MTA3: variants seen among roughly 807,000 people sequenced by gnomAD.
MTA3 encodes metastasis-associated protein MTA3.
Under a neutral mutation model 83.5 loss-of-function variants are expected in MTA3, and 34 were observed. The observed-to-expected ratio is 0.41, with a 90% CI of 0.31 to 0.54. The LOEUF is 0.54. Ranked by LOEUF, MTA3 falls within the 20% of genes least tolerant of loss-of-function variation. The pLI, the probability that MTA3 is intolerant of heterozygous loss-of-function variation, is 0.33. For synonymous variants in MTA3, 303 were observed against 252.7 expected (o/e 1.20, Z -1.89); for missense variants, 761 against 726.4 (o/e 1.05, Z -0.55).
At chr2:42,585,963 A>C (rs1010285763) in intron 3 of MTA3, among the ~76,000 whole-genome samples, 1 of 152,112 alleles carries the variant, frequency 6.6e-6, no homozygotes, top group African/African-American at 2.4e-5. Flanking sequence ...AATTATAAAC[A>C]AGATGAATAA....
At chr2:42,714,666 A>G (rs778044545) in intron 14 of MTA3, among the ~76,000 whole-genome samples, 1 of 152,194 alleles carries the variant, frequency 6.6e-6, no homozygotes, top group African/African-American at 2.4e-5. Flanking sequence ...GTGGTCCCCA[A>G]CCTTTTTGGT....
At chr2:42,528,127 G>A (rs1240900061) in intron 2 of MTA3, among the ~76,000 whole-genome samples, 1 of 151,714 alleles carries the variant, frequency 6.6e-6, no homozygotes, top group African/African-American at 2.4e-5. Flanking sequence ...GGGTTTCACC[G>A]TGTTACCCAG....
chr2:42,699,073 C>A (rs1279326211), intron 11 of MTA3, among the ~76,000 whole-genome samples: 3 of 152,180 alleles, frequency 2.0e-5, no homozygotes, highest in Non-Finnish European at 2.9e-5. Flanking sequence ...ACCAAGTAAC[C>A]CAGATAATTG....
At chr2:42,720,278 G>T (rs1667311724) in intron 15 of MTA3, among the ~76,000 whole-genome samples, 1 of 152,000 alleles carries the variant, frequency 6.6e-6, no homozygotes. Context: ...CGCCTCCCAG[G>T]TTCACGCCAT....
At chr2:42,496,642 A>AT (rs1674150875) in intron 2 of MTA3, among the ~76,000 whole-genome samples, 1 of 145,400 alleles carries the variant, frequency 6.9e-6, no homozygotes, top group Admixed American at 6.9e-5. Context: ...AATTACTCCC[A>AT]TTTTTTCCTC....
At chr2:42,557,909 C>T (rs545912456) in intron 2 of MTA3, among the ~76,000 whole-genome samples, 1 of 152,078 alleles carries the variant, frequency 6.6e-6, no homozygotes, top group South Asian at 2.1e-4. Context: ...TCCTTGGAGT[C>T]GTCTACACCA....
chr2:42,562,950 C>T (rs1224282482), intron 2 of MTA3, among the ~76,000 whole-genome samples: 1 of 152,146 alleles, frequency 6.6e-6, no homozygotes, highest in Non-Finnish European at 1.5e-5. Flanking sequence ...ACTCACTGAT[C>T]TCTACTTACA....
intron 8 of MTA3, among the ~76,000 whole-genome samples, chr2:42,666,440 C>T (rs933742956): frequency 6.6e-5 from 10 of 152,090 alleles, no homozygotes; most frequent in African/African-American, 1.7e-4. Flanking sequence ...GTCTATAGCC[C>T]CTTTGCCCAA....
chr2:42,716,489 A>T (rs1429020868), intron 14 of MTA3, among the ~76,000 whole-genome samples: 1 of 151,618 alleles, frequency 6.6e-6, no homozygotes, highest in Non-Finnish European at 1.5e-5. Flanking sequence ...CTCACCCTCC[A>T]CCCTCCAATA....
chr2:42,687,315 A>G (rs1056676372), intron 9 of MTA3, among the ~76,000 whole-genome samples: 5 of 152,144 alleles, frequency 3.3e-5, no homozygotes, highest in Non-Finnish European at 5.9e-5. Context: ...GTAGTATGTA[A>G]CTTTTTAATT....
chr2:42,575,766 A>G (rs1678972522), intron 2 of MTA3, among the ~76,000 whole-genome samples: 2 of 152,208 alleles, frequency 1.3e-5, no homozygotes, highest in South Asian at 2.1e-4. Context: ...TGAGGCACAT[A>G]GTAGCTAAAT....
chr2:42,708,072 G>A lies in MTA3; in HGVS notation c.1302+18G>A. ...CTACAGAGGTACAGTAGTCTTTTTAGTGTTGAAAAATGGCATGTTTTTAAA... is the reference window on the plus strand; with the variant it reads ...CTACAGAGGTACAGTAGTCTTTTTAATGTTGAAAAATGGCATGTTTTTAAA... On this transcript the variant is annotated intron_variant, in intron 13 of 16. Coordinates refer to ENST00000405094, the MANE Select transcript of MTA3 (RefSeq NM_001330442.2). The A allele has an allele frequency of 6.3e-7, 1 of 1,587,084 alleles. No individual in the cohort carries two copies. Among genetic ancestry groups the A allele is most frequent in the South Asian group, 1.2e-5 (1 of 86,144 alleles).
In MTA3 at chr2:42,693,255, C is replaced by T. The variant is rs558916000; in HGVS notation, c.892-2510C>T. Among the ~76,000 whole-genome samples the T allele has an allele frequency of 5.9e-5, 9 of 152,244 alleles. No individual in the cohort carries two copies. In the South Asian group the frequency reaches 1.7e-3, roughly 28 times the overall value. ...CTGCTCACTTGCTACCACCTATGCT[C>T]ACTCAAGGCCCTAGGGCTCCACAAT... On this transcript the variant is annotated intron_variant, in intron 9 of 16. Coordinates refer to ENST00000405094, the MANE Select transcript of MTA3 (RefSeq NM_001330442.2).
intron 4 of MTA3, among the ~76,000 whole-genome samples, chr2:42,623,815 C>G (rs142283886): frequency 0.01 from 1,559 of 152,066 alleles, 22 homozygotes; most frequent in African/African-American, 0.036. Context: ...CTCAGCCTCC[C>G]AAGTACCTGG....
chr2:42,559,842 A>G (rs190095188), intron 2 of MTA3, among the ~76,000 whole-genome samples: 1,860 of 151,636 alleles, frequency 0.012, 35 homozygotes, highest in African/African-American at 0.041. Context: ...AGGTTGCAGT[A>G]AGCCGAGATT....
intron 2 of MTA3, among the ~76,000 whole-genome samples, chr2:42,533,831 C>CAA (rs11362156): frequency 3.5e-5 from 4 of 114,908 alleles, no homozygotes; most frequent in Non-Finnish European, 5.4e-5. Context: ...GACTCCGTCT[C>CAA]AAAAAAAAAA....
intron 4 of MTA3, among the ~76,000 whole-genome samples, chr2:42,636,005 G>C (rs1454870082): frequency 1.3e-5 from 2 of 152,084 alleles, no homozygotes; most frequent in African/African-American, 2.4e-5. Flanking sequence ...CTGAGCTCAG[G>C]CAATCTGCCC....
chr2:42,716,160 T>C (rs768174790), intron 14 of MTA3, among the ~76,000 whole-genome samples: 4 of 152,176 alleles, frequency 2.6e-5, no homozygotes, highest in Non-Finnish European at 5.9e-5. Flanking sequence ...TAGTAATTTA[T>C]TTTTTCTCCT....
intron 6 of MTA3, among the ~76,000 whole-genome samples, chr2:42,653,852 C>T (rs1283582057): frequency 6.6e-6 from 1 of 152,196 alleles, no homozygotes; most frequent in Non-Finnish European, 1.5e-5. Flanking sequence ...TGAATAGCAA[C>T]ATCATTTCTT....
Sources: allele counts gnomAD v4.1 joint callset (sites outside exome capture counted in the v4.1 genomes callset), GRCh38; gene constraint gnomAD v4.1.1; transcripts MANE v1.5; gene names NCBI Gene and HGNC (gene_info 2026-07-23, HGNC 2026-07-21).